The following CYP2C18 variants were observed in gnomAD, a reference collection of about 807,000 sequenced individuals.
CYP2C18 encodes the protein cytochrome P450 2C18.
Under a neutral mutation model 41.3 loss-of-function variants are expected in CYP2C18, and 38 were observed. The observed-to-expected ratio is 0.92, with a 90% CI of 0.71 to 1.21. CYP2C18 has a LOEUF of 1.21. CYP2C18 is among the 50% of genes most tolerant of loss of function. The pLI, the probability that CYP2C18 is intolerant of heterozygous loss-of-function variation, is 0.00. For missense variants in CYP2C18, 635 were observed against 591.4 expected (o/e 1.07, Z -0.77); for synonymous variants, 236 against 210.0 (o/e 1.12, Z -1.07).
chr10:94,688,357 A>C, intron 3 of CYP2C18, 83 bp downstream of exon 3: 1 of 1,463,810 alleles, frequency 6.8e-7, no homozygotes, highest in Non-Finnish European at 9.2e-7. Context: ...ACTTTTATGC[A>C]TATTTATGGG....
At chr10:94,712,299 C>A (rs1200518693) in intron 5 of CYP2C18, among the ~76,000 whole-genome samples, 1 of 151,782 alleles carries the variant, frequency 6.6e-6, no homozygotes, top group African/African-American at 2.4e-5. Flanking sequence ...CAGATTTACT[C>A]CTCCATTCTA....
In CYP2C18 at chr10:94,697,547, C is replaced by T. The variant is rs147509674; in HGVS notation, c.642+2470C>T. Among the ~76,000 whole-genome samples the T allele has an allele frequency of 5.8e-3, 889 of 152,250 alleles. 5 individuals carry two copies. Among genetic ancestry groups the T allele is most frequent in the African/African-American group, 0.02 (851 of 41,540 alleles). On this transcript the variant is annotated intron_variant, in intron 4 of 8. Transcript: ENST00000285979. ...AAACATACCAAATTGTAAAGACCAT[C>T]GAGGCTGGGAAGAAACTGCATCAAC...
At chr10:94,732,890 A>G (rs963166300) in intron 7 of CYP2C18, among the ~76,000 whole-genome samples, 1 of 152,022 alleles carries the variant, frequency 6.6e-6, no homozygotes, top group South Asian at 2.1e-4. Flanking sequence ...TGTACCCTAA[A>G]CCTCAGCATC....
intron 7 of CYP2C18, 96 bp downstream of exon 7, chr10:94,724,629 T>C: frequency 8.2e-7 from 1 of 1,225,512 alleles, no homozygotes; most frequent in Non-Finnish European, 1.2e-6. Flanking sequence ...ATGAGAGAAG[T>C]GTAAAATTCA....
At chr10:94,688,688 G>A (rs192612241) in intron 3 of CYP2C18, among the ~76,000 whole-genome samples, 2 of 152,146 alleles carry the variant, frequency 1.3e-5, no homozygotes, top group Non-Finnish European at 2.9e-5. Flanking sequence ...CTATGCATAC[G>A]CTGTGAGTAT....
intron 5 of CYP2C18, among the ~76,000 whole-genome samples, chr10:94,707,820 C>A (rs181205882): frequency 4.5e-4 from 68 of 152,128 alleles, no homozygotes; most frequent in Non-Finnish European, 9.0e-4. Flanking sequence ...AATGATAGGA[C>A]CTGTGTGGGA....
chr10:94,733,058 G>A lies in CYP2C18; in HGVS notation c.1150-239G>A, dbSNP rs74152349. 7.5e-3 allele frequency among the ~76,000 whole-genome samples: 1,149 copies of A among 152,192 alleles called. 18 individuals carry two copies. Among genetic ancestry groups the A allele is most frequent in the African/African-American group, 0.026 (1,097 of 41,532 alleles). ...AACCGGGATTCAGAAGGCTGCCCCCGAGTACTCAAATGCTCAGGACTTCAA... is the reference window on the plus strand; with the variant it reads ...AACCGGGATTCAGAAGGCTGCCCCCAAGTACTCAAATGCTCAGGACTTCAA... On this transcript the variant is annotated intron_variant, in intron 7 of 8. Transcript: ENST00000285979.
At chr10:94,717,567 T>C (rs1178930083) in intron 5 of CYP2C18, among the ~76,000 whole-genome samples, 1 of 152,170 alleles carries the variant, frequency 6.6e-6, no homozygotes, top group Non-Finnish European at 1.5e-5. Flanking sequence ...TTCCTCAATC[T>C]TGTCTTCTAG....
intron 4 of CYP2C18, among the ~76,000 whole-genome samples, chr10:94,699,162 C>G (rs992360396): frequency 1.3e-5 from 2 of 152,128 alleles, no homozygotes; most frequent in Non-Finnish European, 2.9e-5. Flanking sequence ...CAAAGCCTGG[C>G]AGAGACACAA....
rs532971615 is a variant in CYP2C18, at chr10:94,684,139, GATC to G, written c.168+155_168+157del. 2.9e-5 allele frequency: 15 copies of G among 521,830 alleles called. No individual in the cohort carries two copies. In the South Asian group the frequency reaches 6.2e-4, roughly 22 times the overall value. 32.3% of individuals were successfully genotyped at this position (521,830 alleles called of 1,614,324 possible). A position where few individuals can be genotyped will look rare whatever the true frequency, so the allele number is the denominator to read the frequency against. On this transcript the variant is annotated intron_variant, in intron 1 of 8. Coordinates refer to ENST00000285979, the MANE Select transcript of CYP2C18 (RefSeq NM_000772.3). ...TTGATACATGTATAGATTGTGAATT[GATC>G]ATATCAGGGTAATTAGCATATCCAT... is the stretch of plus-strand genomic sequence containing the variant.
chr10:94,696,844 A>G (rs1248207057), intron 4 of CYP2C18, among the ~76,000 whole-genome samples: 1 of 152,220 alleles, frequency 6.6e-6, no homozygotes, highest in African/African-American at 2.4e-5. Flanking sequence ...CACAAGCCTC[A>G]GTAGCCGATT....
chr10:94,692,231 A>G (rs193250229), intron 3 of CYP2C18, among the ~76,000 whole-genome samples: 1 of 152,296 alleles, frequency 6.6e-6, no homozygotes, highest in Non-Finnish European at 1.5e-5. Flanking sequence ...ATGAGAATGA[A>G]CAAGCAACCT....
intron 8 of CYP2C18, chr10:94,733,754 C>T (rs929485352): frequency 4.3e-6 from 1 of 231,530 alleles, no homozygotes; most frequent in African/African-American, 2.3e-5. Flanking sequence ...AGACATTTCT[C>T]ATCTGCCATG....
chr10:94,705,522 A>G (rs926308603), intron 4 of CYP2C18, among the ~76,000 whole-genome samples: 1 of 152,214 alleles, frequency 6.6e-6, no homozygotes, highest in Non-Finnish European at 1.5e-5. Flanking sequence ...TAAAATAAAA[A>G]TAAAAACCCA....
chr10:94,715,690 G>C (rs1206002928), intron 5 of CYP2C18, among the ~76,000 whole-genome samples: 1 of 152,154 alleles, frequency 6.6e-6, no homozygotes, highest in Non-Finnish European at 1.5e-5. Context: ...GATGATGCTG[G>C]CCTCATCAAA....
At position 94,683,846 on chromosome 10, in the gene CYP2C18, C is replaced by G. The variant is rs750516606; in HGVS notation, c.27C>G (p.Leu9=). 1 of 1,607,018 alleles carries G rather than the reference C, an allele frequency of 6.2e-7. No homozygotes were observed. The highest frequency in any genetic ancestry group is 8.5e-7 in the Non-Finnish European group (1 of 1,176,996). ...TGGATCCAGCTGTGGCTCTGGTGCT[C>G]TGTCTCTCCTGTTTGTTTCTCCTTT... MDPAVALV[L]CLSCLFLLSL... is the part of the protein sequence containing the mutation. Residue 9 remains leucine, a synonymous_variant, in exon 1 of 9, where the codon CTC becomes CTG. Coordinates refer to ENST00000285979, the MANE Select transcript of CYP2C18 (RefSeq NM_000772.3).
intron 3 of CYP2C18, 77 bp downstream of exon 3, chr10:94,688,351 T>G: frequency 6.8e-7 from 1 of 1,459,904 alleles, no homozygotes; most frequent in East Asian, 2.5e-5. Flanking sequence ...TACATAACTT[T>G]TATGCATATT....
chr10:94,733,621 G>A, intron 8 of CYP2C18, 183 bp downstream of exon 8: 1 of 984,310 alleles, frequency 1.0e-6, no homozygotes, highest in Non-Finnish European at 1.2e-6. Context: ...CAGGTTAGTG[G>A]GGCTTTGGGG....
intron 7 of CYP2C18, among the ~76,000 whole-genome samples, chr10:94,725,020 G>GT (rs973967531): frequency 2.0e-5 from 3 of 148,404 alleles, no homozygotes; most frequent in South Asian, 2.1e-4. Context: ...CATGTATTAC[G>GT]TTTTTTTTCT....
Sources: allele counts gnomAD v4.1 joint callset (sites outside exome capture counted in the v4.1 genomes callset), GRCh38; gene constraint gnomAD v4.1.1; transcripts MANE v1.5; gene names NCBI Gene and HGNC (gene_info 2026-07-23, HGNC 2026-07-21).